The following ANP32B variants were observed in gnomAD, a reference collection of about 807,000 sequenced individuals.
ANP32B encodes the protein acidic nuclear phosphoprotein 32 family member B, also known as acidic leucine-rich nuclear phosphoprotein 32 family member B.
Under a neutral mutation model 32.2 loss-of-function variants are expected in ANP32B, and 6 were observed. That is an observed-to-expected ratio of 0.19 (90% CI 0.10 to 0.37). The LOEUF is 0.37. ANP32B is among the 10% of genes least tolerant of loss of function. The pLI, the probability that ANP32B is intolerant of heterozygous loss-of-function variation, is 1.00. For missense variants in ANP32B, 204 were observed against 289.2 expected (o/e 0.71, Z 2.14); for synonymous variants, 98 against 105.8 (o/e 0.93, Z 0.45).
chr9:97,983,605 C>G lies in ANP32B; in HGVS notation c.50C>G (p.Ala17Gly). ...IHLELRNRTP[A>G]AVRELVLDNC... The stretch of plus-strand genomic sequence containing the variant: ...CTGGAGCTGAGGAACCGGACCCCGG[C>G]AGCTGTAAGCAGAGACCCCTCTGGG... Residue 17 changes from alanine to glycine, a missense_variant, in exon 1 of 7, where the codon GCA becomes GGA. Physicochemically the swap from Ala to Gly is moderately conservative, Grantham distance 60. Transcript: ENST00000339399. 1 of 1,576,290 alleles carries G rather than the reference C, an allele frequency of 6.3e-7. No homozygotes were observed. The highest frequency in any genetic ancestry group is 8.6e-7 in the Non-Finnish European group (1 of 1,162,214).
chr9:97,984,122 G>A (rs1587868206), intron 1 of ANP32B, among the ~76,000 whole-genome samples: 1 of 149,976 alleles, frequency 6.7e-6, no homozygotes, highest in Admixed American at 6.6e-5. Flanking sequence ...GTGGGCGCCG[G>A]CCCGGCCGAG....
At chr9:97,985,437 C>T (rs1034412549) in intron 1 of ANP32B, among the ~76,000 whole-genome samples, 4 of 152,192 alleles carry the variant, frequency 2.6e-5, no homozygotes, top group Non-Finnish European at 5.9e-5. Context: ...TTCCGACCTT[C>T]CGTCAGACAT....
chr9:98,000,467 G>C (rs1402081624), intron 3 of ANP32B, among the ~76,000 whole-genome samples: 1 of 152,070 alleles, frequency 6.6e-6, no homozygotes. Flanking sequence ...TATTTAAGCC[G>C]ACATTTACTG....
intron 3 of ANP32B, 35 bp downstream of exon 3, chr9:97,998,713 T>G (rs1192452951): frequency 6.6e-7 from 1 of 1,512,778 alleles, no homozygotes; most frequent in South Asian, 1.3e-5. Flanking sequence ...TGGAACTTAC[T>G]GGTCATTTTC....
intron 1 of ANP32B, among the ~76,000 whole-genome samples, chr9:97,983,982 G>T (rs901694039): frequency 6.6e-6 from 1 of 150,558 alleles, no homozygotes; most frequent in African/African-American, 2.4e-5. Context: ...GCGGCCGGGC[G>T]GAGGCCCGGC....
intron 4 of ANP32B, among the ~76,000 whole-genome samples, chr9:98,006,093 GGAGCTGAGGTGGTGATGCTA>G (rs556403750): frequency 2.0e-4 from 31 of 152,054 alleles, no homozygotes; most frequent in South Asian, 1.9e-3. Flanking sequence ...GATCCGAGGT[GGAGCTGAGGTGGTGATGCTA>G]GAGCTGAGGT....
intron 2 of ANP32B, among the ~76,000 whole-genome samples, chr9:97,996,953 G>A (rs1827915950): frequency 6.6e-6 from 1 of 152,122 alleles, no homozygotes; most frequent in African/African-American, 2.4e-5. Flanking sequence ...ATGTGTAAAT[G>A]TCACAAATTT....
intron 1 of ANP32B, among the ~76,000 whole-genome samples, chr9:97,989,163 C>T (rs1458920122): frequency 6.6e-6 from 1 of 152,116 alleles, no homozygotes; most frequent in African/African-American, 2.4e-5. Flanking sequence ...AAAGAAGGAC[C>T]TCATAGGCAT....
intron 1 of ANP32B, 62 bp downstream of exon 1, chr9:97,983,671 T>G (rs565641095): frequency 3.0e-5 from 40 of 1,346,554 alleles, no homozygotes; most frequent in Non-Finnish European, 3.8e-5. Flanking sequence ...GGTGGCCACC[T>G]GCGGGGCCCG....
intron 1 of ANP32B, among the ~76,000 whole-genome samples, chr9:97,987,956 A>G (rs936887012): frequency 2.0e-5 from 3 of 152,156 alleles, no homozygotes; most frequent in African/African-American, 7.2e-5. Context: ...TTCGTTTAAG[A>G]AAAATTAGAT....
chr9:97,997,322 C>T (rs1294399332), intron 2 of ANP32B, among the ~76,000 whole-genome samples: 3 of 152,164 alleles, frequency 2.0e-5, no homozygotes, highest in African/African-American at 7.2e-5. Context: ...TATTTAATAA[C>T]ACCTTAAGCA....
At chr9:97,995,194 A>C (rs1688675816) in intron 2 of ANP32B, among the ~76,000 whole-genome samples, 1 of 152,220 alleles carries the variant, frequency 6.6e-6, no homozygotes, top group Non-Finnish European at 1.5e-5. Flanking sequence ...CTGCACATTT[A>C]ACTGTCACAG....
chr9:97,983,675 G>A, intron 1 of ANP32B, 66 bp downstream of exon 1: 1 of 1,331,574 alleles, frequency 7.5e-7, no homozygotes, highest in African/African-American at 1.5e-5. Flanking sequence ...GCCACCTGCG[G>A]GGCCCGGGCT....
At position 97,995,620 on chromosome 9, in the gene ANP32B, G is replaced by A. The variant is rs191755823; in HGVS notation, c.204+840G>A. Among the ~76,000 whole-genome samples, 86 of 152,084 alleles carry A rather than the reference G, an allele frequency of 5.7e-4. 1 individual carries two copies. The East Asian group carries it at 0.016, about 28-fold the overall frequency. ...TTGTGGTTTTACAGCAGGTGGAGTG[G>A]GTTAAGTATAATACATGAGGCCAGT... On this transcript the variant is annotated intron_variant, in intron 2 of 6. Transcript: ENST00000339399.
At chr9:98,010,691 G>C (rs540182697) in intron 4 of ANP32B, among the ~76,000 whole-genome samples, 2 of 152,048 alleles carry the variant, frequency 1.3e-5, no homozygotes, top group Non-Finnish European at 2.9e-5. Flanking sequence ...AAGAACTGCC[G>C]CACTAGAGGT....
rs961907376 is a variant in ANP32B at position 97,983,369 on chromosome 9, C to T, written c.-187C>T. On this transcript the variant is annotated 5_prime_UTR_variant, in exon 1 of 7. Transcript: ENST00000339399. ...TTCCCTCCATGGTTTCTCTCCGCTCCCGTGAGTAACTTGGCTCCGGGGGCT... is the reference window on the plus strand; with the variant it reads ...TTCCCTCCATGGTTTCTCTCCGCTCTCGTGAGTAACTTGGCTCCGGGGGCT... The T allele has an allele frequency of 3.6e-6, 2 of 556,380 alleles. No homozygotes were observed. The highest frequency in any genetic ancestry group is 6.4e-6 in the Non-Finnish European group (2 of 312,340). 34.5% of individuals were successfully genotyped at this position (556,380 alleles called of 1,614,324 possible). A position where few individuals can be genotyped will look rare whatever the true frequency, so the allele number is the denominator to read the frequency against.
intron 6 of ANP32B, among the ~76,000 whole-genome samples, chr9:98,013,070 C>G (rs1828215481): frequency 6.6e-6 from 1 of 152,206 alleles, no homozygotes; most frequent in Admixed American, 6.5e-5. Context: ...GTCGCCCAGT[C>G]TGGAGTTCAC....
At chr9:97,995,688 A>G (rs573430483) in intron 2 of ANP32B, among the ~76,000 whole-genome samples, 1 of 152,272 alleles carries the variant, frequency 6.6e-6, no homozygotes, top group Admixed American at 6.5e-5. Flanking sequence ...TGGGAGGCCA[A>G]GGTGGGAGGA....
chr9:97,985,402 G>C (rs895995857), intron 1 of ANP32B, among the ~76,000 whole-genome samples: 4 of 152,222 alleles, frequency 2.6e-5, no homozygotes, highest in African/African-American at 9.6e-5. Context: ...GGGGTTGCGA[G>C]ATGGAGGGTC....
Sources: gnomAD v4.1 joint callset for allele counts (sites outside exome capture counted in the v4.1 genomes callset) on GRCh38, gnomAD v4.1.1 for gene constraint, MANE v1.5 for transcripts, NCBI Gene and HGNC (gene_info 2026-07-23, HGNC 2026-07-21) for gene names.